The following PLCL1 variants were observed in gnomAD, a reference collection of about 807,000 sequenced individuals.
The protein encoded by PLCL1 is inactive phospholipase C-like protein 1.
Under a neutral mutation model 84.4 loss-of-function variants are expected in PLCL1, and 41 were observed. The observed-to-expected ratio is 0.49, with a 90% CI of 0.38 to 0.63. The LOEUF (loss-of-function observed/expected upper bound fraction) is 0.63, where lower values mean the gene tolerates loss of function less well. Among genes scored for constraint, PLCL1 ranks in the 30% least tolerant of loss-of-function variants. The probability of loss-of-function intolerance (pLI) is 0.00; values close to 1 mark genes in which losing one functional copy is unlikely to be tolerated. For synonymous variants in PLCL1, 490 were observed against 488.3 expected, an observed-to-expected ratio of 1.00 and a Z score of -0.05; for missense variants, 1,206 against 1,367.8, an observed-to-expected ratio of 0.88 and a Z score of 1.87.
intron 1 of PLCL1, among the ~76,000 whole-genome samples, chr2:197,953,102 A>T (rs1355844866): frequency 6.6e-6 from 1 of 152,110 alleles, no homozygotes; most frequent in Non-Finnish European, 1.5e-5. Context: ...GAACAATGTT[A>T]TGAAGTAGGT....
intron 1 of PLCL1, among the ~76,000 whole-genome samples, chr2:197,980,737 A>G (rs1234330518): frequency 6.6e-6 from 1 of 152,224 alleles, no homozygotes; most frequent in Non-Finnish European, 1.5e-5. Context: ...TCAGATCATA[A>G]AAATGATCAT....
At chr2:198,077,855 C>T (rs1692618152) in intron 1 of PLCL1, among the ~76,000 whole-genome samples, 1 of 152,172 alleles carries the variant, frequency 6.6e-6, no homozygotes, top group Admixed American at 6.5e-5. Context: ...TCACTTCTCA[C>T]TCAAACCAAA....
At chr2:197,906,914 G>T (rs1688394132) in intron 1 of PLCL1, among the ~76,000 whole-genome samples, 1 of 152,110 alleles carries the variant, frequency 6.6e-6, no homozygotes, top group Non-Finnish European at 1.5e-5. Flanking sequence ...CATTTATTTT[G>T]TATCCTGAGA....
chr2:197,957,783 A>G (rs1375909923), intron 1 of PLCL1, among the ~76,000 whole-genome samples: 5 of 151,824 alleles, frequency 3.3e-5, no homozygotes, highest in African/African-American at 1.2e-4. Context: ...GCCCTTCCTT[A>G]TTTTCTTGAG....
intron 1 of PLCL1, among the ~76,000 whole-genome samples, chr2:198,056,265 T>C (rs1281898682): frequency 6.6e-6 from 1 of 152,198 alleles, no homozygotes; most frequent in African/African-American, 2.4e-5. Flanking sequence ...GGAAGGCTTT[T>C]GGTTTAATAA....
chr2:198,081,299 G>A (rs1159574733), intron 1 of PLCL1, among the ~76,000 whole-genome samples: 1 of 152,138 alleles, frequency 6.6e-6, no homozygotes, highest in African/African-American at 2.4e-5. Flanking sequence ...AAATGAAATG[G>A]TTAGCTTTAA....
At chr2:198,115,970 A>G (rs1247438654) in intron 5 of PLCL1, among the ~76,000 whole-genome samples, 1 of 146,796 alleles carries the variant, frequency 6.8e-6, no homozygotes. Context: ...TATAATATAT[A>G]AAAATATACT....
intron 3 of PLCL1, among the ~76,000 whole-genome samples, chr2:198,098,317 A>C (rs746061672): frequency 6.6e-5 from 10 of 152,220 alleles, no homozygotes; most frequent in African/African-American, 9.6e-5. Flanking sequence ...CCTATGTTTC[A>C]TATGAAAAAA....
At chr2:197,820,489 C>A (rs958271399) in intron 1 of PLCL1, among the ~76,000 whole-genome samples, 1 of 152,004 alleles carries the variant, frequency 6.6e-6, no homozygotes, top group Non-Finnish European at 1.5e-5. Flanking sequence ...CATATAAGCT[C>A]ACATCATAGG....
chr2:197,944,486 A>G (rs991435321), intron 1 of PLCL1, among the ~76,000 whole-genome samples: 1 of 152,140 alleles, frequency 6.6e-6, no homozygotes, highest in African/African-American at 2.4e-5. Flanking sequence ...ACAACTTGGG[A>G]GCAGTGGTGT....
chr2:198,026,456 TTA>T (rs1691267522), intron 1 of PLCL1, among the ~76,000 whole-genome samples: 2 of 152,176 alleles, frequency 1.3e-5, no homozygotes, highest in African/African-American at 4.8e-5. Context: ...AGAGTAGTTG[TTA>T]TCATTTCTAT....
chr2:197,943,630 T>C (rs1574961513), intron 1 of PLCL1, among the ~76,000 whole-genome samples: 2 of 150,350 alleles, frequency 1.3e-5, no homozygotes. Context: ...GTTACATCTT[T>C]TTTTTTTTTT....
intron 1 of PLCL1, among the ~76,000 whole-genome samples, chr2:197,927,759 T>A (rs1688860159): frequency 6.6e-6 from 1 of 152,132 alleles, no homozygotes; most frequent in South Asian, 2.1e-4. Flanking sequence ...TGTGCATGGG[T>A]GAGATACTAA....
intron 1 of PLCL1, among the ~76,000 whole-genome samples, chr2:197,855,007 G>A (rs1687304040): frequency 6.6e-6 from 1 of 152,160 alleles, no homozygotes; most frequent in Non-Finnish European, 1.5e-5. Context: ...TCAGTCACTA[G>A]GATAAAGATC....
At chr2:198,116,131 G>C (rs1430323851) in intron 5 of PLCL1, among the ~76,000 whole-genome samples, 1 of 151,166 alleles carries the variant, frequency 6.6e-6, no homozygotes, top group Non-Finnish European at 1.5e-5. Flanking sequence ...GAAATTAGAT[G>C]CTACTTTTTT....
intron 1 of PLCL1, among the ~76,000 whole-genome samples, chr2:197,960,120 A>G (rs1194928020): frequency 6.6e-6 from 1 of 152,078 alleles, no homozygotes; most frequent in Non-Finnish European, 1.5e-5. Flanking sequence ...GGTTCCTCAG[A>G]TCACTGCCTT....
chr2:198,001,775 C>G (rs1690606249), intron 1 of PLCL1, among the ~76,000 whole-genome samples: 1 of 152,124 alleles, frequency 6.6e-6, no homozygotes, highest in African/African-American at 2.4e-5. Context: ...TTTACAGTCA[C>G]TCCCCATCAC....
Position 198,085,359 on chromosome 2 carries a change from A to C in PLCL1, c.1842A>C (p.Ser614=), listed in dbSNP as rs548139836. ...GCCAAAACTATTGGGAAATGTGTTCATTTAGTGAAACAGAGGCCAGCCGCA... is the reference window on the plus strand; with the variant it reads ...GCCAAAACTATTGGGAAATGTGTTCCTTTAGTGAAACAGAGGCCAGCCGCA... ...MKSQNYWEMC[S]FSETEASRIA... The change falls in exon 2 of 6, where the codon TCA becomes TCC. Residue 614 remains serine (S), a synonymous_variant. Transcript: ENST00000428675. The surrounding 1 kb of genome is among the most constrained non-coding windows in gnomAD (Gnocchi z 5.3). The C allele has an allele frequency of 1.6e-5, 26 of 1,612,430 alleles. No individual in the cohort carries two copies. Among genetic ancestry groups the C allele is most frequent in the Non-Finnish European group, 2.1e-5 (25 of 1,178,900 alleles).
intron 1 of PLCL1, among the ~76,000 whole-genome samples, chr2:197,851,549 A>C (rs1489524818): frequency 6.6e-6 from 1 of 152,240 alleles, no homozygotes; most frequent in Non-Finnish European, 1.5e-5. Flanking sequence ...CTGAGCCGCT[A>C]TAAGAAGAAA....
Sources: allele counts gnomAD v4.1 joint callset (sites outside exome capture counted in the v4.1 genomes callset), GRCh38; gene constraint gnomAD v4.1.1; non-coding constraint Gnocchi (gnomAD v3.1); transcripts MANE v1.5; gene names NCBI Gene and HGNC (gene_info 2026-07-23, HGNC 2026-07-21).